Variants in FRMD3 observed in about 807,000 individuals in gnomAD.
FRMD3 encodes the protein FERM domain-containing protein 3.
FRMD3 carries 33 observed loss-of-function variants against 70.2 expected under a neutral mutation model. The observed-to-expected ratio is 0.47, with a 90% confidence interval of 0.36 to 0.63. The LOEUF is 0.63. Among genes scored for constraint, FRMD3 ranks in the 20% least tolerant of loss-of-function variants. The pLI is 0.00. For missense variants in FRMD3, 632 were observed against 711.4 expected (o/e 0.89, Z 1.27); for synonymous variants, 279 against 255.9 (o/e 1.09, Z -0.86).
chr9:83,464,604 G>A (rs1828067837), intron 1 of FRMD3, among the ~76,000 whole-genome samples: 2 of 152,336 alleles, frequency 1.3e-5, no homozygotes, highest in South Asian at 2.1e-4. Context: ...CATGATCAGT[G>A]TCAGAGAGGC....
chr9:83,287,229 A>T (rs1007252183), intron 13 of FRMD3, among the ~76,000 whole-genome samples: 1 of 152,154 alleles, frequency 6.6e-6, no homozygotes, highest in Non-Finnish European at 1.5e-5. Context: ...CCCAGGGGAA[A>T]TTCAGCAGTA....
chr9:83,341,653 T>C (rs1266151862), intron 5 of FRMD3, among the ~76,000 whole-genome samples: 4 of 152,030 alleles, frequency 2.6e-5, no homozygotes, highest in African/African-American at 7.2e-5. Context: ...TCTACTTCAG[T>C]GTCGGTGAAG....
chr9:83,446,698 G>A (rs1002704732), intron 1 of FRMD3, among the ~76,000 whole-genome samples: 1 of 150,044 alleles, frequency 6.7e-6, no homozygotes, highest in African/African-American at 2.5e-5. Flanking sequence ...ACGTCCACAC[G>A]GAAGAAAAGA....
chr9:83,243,089 G>T, downstream of FRMD3: 1 of 1,002,584 alleles, frequency 1.0e-6, no homozygotes, highest in Non-Finnish European at 1.5e-6. Context: ...GACGGCTGCC[G>T]AGCCCACTGG....
intron 13 of FRMD3, among the ~76,000 whole-genome samples, chr9:83,268,138 A>G (rs1468752873): frequency 6.6e-6 from 1 of 152,220 alleles, no homozygotes; most frequent in Non-Finnish European, 1.5e-5. Context: ...TTTTCATGAA[A>G]AGGATGAGAA....
chr9:83,500,476 G>T (rs1341942221), intron 1 of FRMD3, among the ~76,000 whole-genome samples: 1 of 147,756 alleles, frequency 6.8e-6, no homozygotes, highest in Non-Finnish European at 1.5e-5. Flanking sequence ...CTATAAGCCT[G>T]CATAGAGTGC....
chr9:83,539,467 G>A (rs180908758), upstream of FRMD3, among the ~76,000 whole-genome samples: 11 of 152,334 alleles, frequency 7.2e-5, no homozygotes, highest in East Asian at 2.1e-3. Flanking sequence ...GAGCAGAACA[G>A]GTCATTAGGA....
At chr9:83,322,930 A>C (rs1008220613) in intron 6 of FRMD3, among the ~76,000 whole-genome samples, 1 of 152,212 alleles carries the variant, frequency 6.6e-6, no homozygotes, top group African/African-American at 2.4e-5. Context: ...ACATACTCCT[A>C]TATCTAGTCA....
intron 1 of FRMD3, among the ~76,000 whole-genome samples, chr9:83,447,395 G>C (rs1827510954): frequency 6.6e-6 from 1 of 152,184 alleles, no homozygotes; most frequent in Admixed American, 6.5e-5. Context: ...CTCCCATCCA[G>C]TGTGGCCCTG....
intron 1 of FRMD3, among the ~76,000 whole-genome samples, chr9:83,514,136 G>A (rs1217308044): frequency 6.6e-6 from 1 of 152,152 alleles, no homozygotes; most frequent in Non-Finnish European, 1.5e-5. Context: ...CTGGAAAGGG[G>A]GCTGAAGCCA....
chr9:83,297,402 C>CT (rs747878690), intron 12 of FRMD3: 2 of 189,890 alleles, frequency 1.1e-5, no homozygotes, highest in Non-Finnish European at 2.2e-5. Flanking sequence ...GAGTTCTAGG[C>CT]TTAGGTCTGC....
intron 2 of FRMD3, among the ~76,000 whole-genome samples, chr9:83,386,788 T>C (rs1825522424): frequency 6.6e-6 from 1 of 152,230 alleles, no homozygotes; most frequent in Non-Finnish European, 1.5e-5. Context: ...CTCCAATCTC[T>C]GACTGTGAAT....
chr9:83,299,293 A>C (rs1218328796), intron 10 of FRMD3, 107 bp from the exon 11 acceptor site: 8 of 671,546 alleles, frequency 1.2e-5, no homozygotes, highest in Non-Finnish European at 2.1e-5. Context: ...AAGAAATGTA[A>C]TTTACCTTGT....
the FRMD3 span, among the ~76,000 whole-genome samples, chr9:83,568,329 C>G: frequency 6.6e-6 from 1 of 152,130 alleles, no homozygotes; most frequent in Non-Finnish European, 1.5e-5. Context: ...GGTGGGGACA[C>G]AGACAAACCA....
chr9:83,429,074 T>C (rs1826895156), intron 1 of FRMD3, among the ~76,000 whole-genome samples: 1 of 152,200 alleles, frequency 6.6e-6, no homozygotes, highest in Non-Finnish European at 1.5e-5. Context: ...AGGCTAAATT[T>C]ATTTGTGCTG....
chr9:83,381,966 C>T (rs543215541), intron 2 of FRMD3, among the ~76,000 whole-genome samples: 1 of 152,128 alleles, frequency 6.6e-6, no homozygotes, highest in African/African-American at 2.4e-5. Context: ...GGAAAGCCAT[C>T]CTGACCCTTG....
intron 1 of FRMD3, among the ~76,000 whole-genome samples, chr9:83,390,744 C>G (rs552695661): frequency 5.3e-5 from 8 of 152,308 alleles, no homozygotes; most frequent in African/African-American, 1.7e-4. Context: ...CTGCTTCAAT[C>G]AAAGTCGCTG....
chr9:83,247,118 A>C lies in FRMD3; in HGVS notation c.*800T>G. 1 of 985,380 alleles carries C rather than the reference A, an allele frequency of 1.0e-6. No homozygotes were observed. Among genetic ancestry groups the C allele is most frequent in the Non-Finnish European group, 1.2e-6 (1 of 829,918 alleles). The allele number at this position is 985,380 out of a possible 1,614,324, so 61.0% of individuals were successfully genotyped here. ...TGAAAATAACAAGTCCTCTTGTCCA[A>C]ATACTTTGAAAAATGGACCACCCTG... On this transcript the variant is annotated 3_prime_UTR_variant, in exon 14 of 14. Transcript: ENST00000304195.
the FRMD3 span, among the ~76,000 whole-genome samples, chr9:83,544,576 G>A: frequency 5.3e-5 from 8 of 152,140 alleles, no homozygotes; most frequent in African/African-American, 1.9e-4. Context: ...TTACCTTCAA[G>A]TGCCACCTAC....
Sources: allele counts gnomAD v4.1 joint callset (sites outside exome capture counted in the v4.1 genomes callset), GRCh38; gene constraint gnomAD v4.1.1; transcripts MANE v1.5; gene names NCBI Gene and HGNC (gene_info 2026-07-23, HGNC 2026-07-21).